Variants in FAM81B observed in about 807,000 individuals in gnomAD.
FAM81B encodes family with sequence similarity 81 member B.
In FAM81B, 60 loss-of-function variants were observed where a neutral mutation model predicts 58.7. That is an observed-to-expected ratio of 1.02 (90% CI 0.83 to 1.27). FAM81B has a LOEUF of 1.27. Among genes scored for constraint, FAM81B ranks in the 50% most tolerant of loss-of-function variants. The pLI is 0.00. For missense variants in FAM81B, 491 were observed against 522.0 expected (o/e 0.94, Z 0.58); for synonymous variants, 189 against 179.6 (o/e 1.05, Z -0.42).
chr5:95,438,194 T>C (rs7710228), intron 7 of FAM81B, among the ~76,000 whole-genome samples: 40,518 of 152,126 alleles, frequency 0.27, 8,008 homozygotes, highest in African/African-American at 0.56. Flanking sequence ...ACAGAAAATA[T>C]TCATGTTCTT....
At chr5:95,431,830 T>C (rs563922785) in intron 6 of FAM81B, among the ~76,000 whole-genome samples, 1 of 152,206 alleles carries the variant, frequency 6.6e-6, no homozygotes, top group Non-Finnish European at 1.5e-5. Flanking sequence ...TTCTTGATTA[T>C]AGTAAGTTTT....
At chr5:95,410,741 T>C (rs1762384077) in intron 3 of FAM81B, 4 of 152,176 alleles carry the variant, frequency 2.6e-5, no homozygotes, top group Admixed American at 2.6e-4. Flanking sequence ...AGGCCAAATC[T>C]CCTTTTCCTT....
chr5:95,426,125 T>TATATATATACAC (rs781083080), intron 5 of FAM81B, among the ~76,000 whole-genome samples: 2 of 94,284 alleles, frequency 2.1e-5, no homozygotes, highest in Admixed American at 1.0e-4. Context: ...TATATATATG[T>TATATATATACAC]ACACATATAT....
intron 2 of FAM81B, among the ~76,000 whole-genome samples, chr5:95,394,061 A>G (rs1046574976): frequency 1.3e-5 from 2 of 152,160 alleles, no homozygotes; most frequent in African/African-American, 2.4e-5. Context: ...AAAAGCCAAC[A>G]TCAGTGGCTT....
chr5:95,422,448 G>C (rs865999838), intron 5 of FAM81B, among the ~76,000 whole-genome samples: 2 of 152,056 alleles, frequency 1.3e-5, no homozygotes, highest in Admixed American at 6.6e-5. Flanking sequence ...GATGTGCCAA[G>C]ATTCTGCAAA....
At chr5:95,433,444 G>C (rs1371695136) in intron 6 of FAM81B, among the ~76,000 whole-genome samples, 1 of 152,096 alleles carries the variant, frequency 6.6e-6, no homozygotes, top group Non-Finnish European at 1.5e-5. Context: ...GACATGTAGG[G>C]ATTATGGGAA....
chr5:95,404,803 A>G (rs1251513960), intron 3 of FAM81B, among the ~76,000 whole-genome samples: 1 of 152,198 alleles, frequency 6.6e-6, no homozygotes, highest in Non-Finnish European at 1.5e-5. Flanking sequence ...GTGATGGAGG[A>G]TAGACAATAA....
chr5:95,394,850 G>T (rs1761922289), intron 2 of FAM81B, among the ~76,000 whole-genome samples: 1 of 152,010 alleles, frequency 6.6e-6, no homozygotes. Context: ...TTTTTTTAAG[G>T]TTTTTTGAAG....
intron 6 of FAM81B, among the ~76,000 whole-genome samples, chr5:95,436,301 T>C (rs971522896): frequency 6.6e-6 from 1 of 152,204 alleles, no homozygotes; most frequent in Non-Finnish European, 1.5e-5. Flanking sequence ...TCTGGAAATC[T>C]TGGGCCAGTC....
intron 9 of FAM81B, 90 bp from the exon 10 acceptor site, chr5:95,450,059 C>G: frequency 7.3e-7 from 1 of 1,377,478 alleles, no homozygotes; most frequent in Non-Finnish European, 9.7e-7. Context: ...AAATGATAAT[C>G]AATTATGGCA....
intron 3 of FAM81B, among the ~76,000 whole-genome samples, chr5:95,408,564 C>T (rs960189542): frequency 2.0e-5 from 3 of 152,174 alleles, no homozygotes; most frequent in African/African-American, 7.2e-5. Context: ...TTGGAGGGGA[C>T]CTCTTCTCTG....
intron 9 of FAM81B, 56 bp from the exon 10 acceptor site, chr5:95,450,093 T>TA (rs1001571103): frequency 4.0e-4 from 606 of 1,533,050 alleles, no homozygotes; most frequent in Non-Finnish European, 5.0e-4. Context: ...GCAACTTTTT[T>TA]AAAAAAAAGC....
chr5:95,436,869 G>A lies in FAM81B; in HGVS notation c.856G>A (p.Gly286Arg), dbSNP rs755364605. Residue 286 changes from glycine to arginine, a missense_variant, in exon 7 of 10, where the codon GGG (glycine) becomes AGG (arginine). Coordinates refer to ENST00000283357, the MANE Select transcript of FAM81B (RefSeq NM_152548.3). ...AACCTCGAATTTAAAGATGGTCCAGGGGGATTATCGCCACGAAATGAACCT... is the reference window on the plus strand; with the variant it reads ...AACCTCGAATTTAAAGATGGTCCAGAGGGATTATCGCCACGAAATGAACCT... ...EQTSNLKMVQ[G>R]DYRHEMNLLE... is the part of the protein sequence containing the mutation. The A allele has an allele frequency of 6.2e-7, 1 of 1,613,930 alleles. No homozygotes were observed. The highest frequency in any genetic ancestry group is 1.1e-5 in the South Asian group (1 of 91,066).
rs73141946 is a variant in FAM81B at position 95,430,664 on chromosome 5, C to A, written c.786+1932C>A. Among the ~76,000 whole-genome samples, 409 of 152,098 alleles carry A rather than the reference C, an allele frequency of 2.7e-3. 1 individual carries two copies. Among genetic ancestry groups the A allele is most frequent in the African/African-American group, 9.2e-3 (383 of 41,518 alleles). On this transcript the variant is annotated intron_variant, in intron 6 of 9. Transcript: ENST00000283357. The stretch of plus-strand genomic sequence containing the variant: ...TCATTTTGTATGCGTATAGATATAT[C>A]TGTAGAATAAATATCCAGAAGTGGG...
intron 3 of FAM81B, among the ~76,000 whole-genome samples, chr5:95,402,374 A>G (rs1762136695): frequency 6.6e-6 from 1 of 152,242 alleles, no homozygotes; most frequent in South Asian, 2.1e-4. Context: ...CAGAGCCATC[A>G]TTTGGTGCTT....
intron 3 of FAM81B, among the ~76,000 whole-genome samples, chr5:95,400,044 T>A (rs577771151): frequency 2.1e-4 from 32 of 152,276 alleles, no homozygotes; most frequent in Non-Finnish European, 3.4e-4. Context: ...AGGGTAGTGG[T>A]GGGAATGCAA....
chr5:95,405,248 T>C (rs1210163345), intron 3 of FAM81B, among the ~76,000 whole-genome samples: 2 of 152,178 alleles, frequency 1.3e-5, no homozygotes, highest in African/African-American at 4.8e-5. Flanking sequence ...GATGAGAAAA[T>C]GTGGGAGCTA....
In FAM81B at chr5:95,414,118, C is replaced by A; in HGVS notation, c.465C>A (p.Leu155=). ...GTHGFRKEES[L]ARKLLESHIQ... is the part of the protein sequence containing the mutation. ...ATGGCTTTCGAAAAGAGGAATCGCT[C>A]GCCAGGAAGTTACTGGAAAGCCACA... The change falls in exon 4 of 10, where the codon CTC becomes CTA. Residue 155 remains leucine (L), a synonymous_variant. Coordinates refer to ENST00000283357, the MANE Select transcript of FAM81B (RefSeq NM_152548.3). 6.2e-7 allele frequency: 1 copy of A among 1,614,032 alleles called. No homozygotes were observed. The highest frequency in any genetic ancestry group is 1.3e-5 in the African/African-American group (1 of 75,006).
At chr5:95,419,071 GTTTCC>G in intron 4 of FAM81B, among the ~76,000 whole-genome samples, 1 of 152,190 alleles carries the variant, frequency 6.6e-6, no homozygotes, top group South Asian at 2.1e-4. Context: ...AGTAGAGTAA[GTTTCC>G]TTTCATCACT....
Sources: allele counts gnomAD v4.1 joint callset (sites outside exome capture counted in the v4.1 genomes callset), GRCh38; gene constraint gnomAD v4.1.1; transcripts MANE v1.5; gene names NCBI Gene and HGNC (gene_info 2026-07-23, HGNC 2026-07-21).